Variants in USP28 observed in about 807,000 individuals in gnomAD.
USP28 encodes ubiquitin specific peptidase 28.
Under a neutral mutation model 145.0 loss-of-function variants are expected in USP28, and 113 were observed. That is an observed-to-expected ratio of 0.78 (90% CI 0.67 to 0.91). The LOEUF is 0.91. Ranked by LOEUF, USP28 falls within the 40% of genes least tolerant of loss-of-function variation. The pLI, the probability that USP28 is intolerant of heterozygous loss-of-function variation, is 0.00. For missense variants in USP28, 1,201 were observed against 1,289.6 expected (o/e 0.93, Z 1.05); for synonymous variants, 447 against 450.9 (o/e 0.99, Z 0.11).
At chr11:113,798,683 T>C (rs1195041447) in exon 25 of USP28, 1 of 152,650 alleles carries the variant, frequency 6.6e-6, no homozygotes, top group Admixed American at 6.5e-5. Context: ...TTTTGACTTT[T>C]CAACATCTCA....
chr11:113,869,883 T>C (rs1948648263), intron 1 of USP28, among the ~76,000 whole-genome samples: 1 of 151,930 alleles, frequency 6.6e-6, no homozygotes, highest in African/African-American at 2.4e-5. Context: ...AAATGTAGAT[T>C]TGGAGCCAGG....
chr11:113,832,087 A>G, intron 7 of USP28, 94 bp from the exon 8 acceptor site: 1 of 1,012,818 alleles, frequency 9.9e-7, no homozygotes, highest in Non-Finnish European at 1.5e-6. Flanking sequence ...AGATTATACT[A>G]CTATAAAAGC....
chr11:113,831,062 G>A, intron 8 of USP28, 119 bp from the exon 9 acceptor site: 1 of 921,862 alleles, frequency 1.1e-6, no homozygotes, highest in South Asian at 1.4e-5. Context: ...AAAGAGCCAG[G>A]TATGATCTAA....
In USP28 at chr11:113,803,287, A is replaced by T; in HGVS notation, c.2739-6T>A. On this transcript the variant is annotated splice_polypyrimidine_tract_variant and splice_region_variant and intron_variant, in intron 22 of 24. Coordinates refer to ENST00000003302, the Ensembl canonical transcript of USP28. Reference sequence around the variant, plus strand: ...AGGAAAGTGCCTCTTGGTACCTTAGAAAAATGGGAGATAAACAACAGCTGA... The same window carrying T: ...AGGAAAGTGCCTCTTGGTACCTTAGTAAAATGGGAGATAAACAACAGCTGA... The T allele has an allele frequency of 6.2e-7, 1 of 1,601,884 alleles. No homozygotes were observed. The highest frequency in any genetic ancestry group is 1.4e-5 in the African/African-American group (1 of 72,838).
intron 19 of USP28, 75 bp downstream of exon 20, chr11:113,806,414 C>T (rs1426379723): frequency 4.6e-6 from 6 of 1,305,490 alleles, no homozygotes; most frequent in Admixed American, 4.0e-5. Context: ...CCCATTTTTT[C>T]CCTTCTTATA....
intron 1 of USP28, among the ~76,000 whole-genome samples, chr11:113,874,123 A>G (rs187537586): frequency 5.2e-4 from 73 of 141,344 alleles, no homozygotes; most frequent in Non-Finnish European, 1.0e-3. Flanking sequence ...CCTGGGCGAC[A>G]AAGTGAGACT....
At chr11:113,852,696 GTATTAACTT>G in intron 2 of USP28, 63 bp from the exon 3 acceptor site, 1 of 1,576,802 alleles carries the variant, frequency 6.3e-7, no homozygotes, top group South Asian at 1.1e-5. Context: ...CCAGTTTTGA[GTATTAACTT>G]TATTACCCTG....
At chr11:113,803,817 C>G in exon 22 of USP28, 1 of 1,613,872 alleles carries the variant, frequency 6.2e-7, no homozygotes, top group Non-Finnish European at 8.5e-7. Flanking sequence ...TGATAGAGTT[C>G]TAGGCCTGTT....
intron 1 of USP28, among the ~76,000 whole-genome samples, chr11:113,863,736 G>C (rs1202559725): frequency 6.7e-6 from 1 of 149,862 alleles, no homozygotes; most frequent in Non-Finnish European, 1.5e-5. Flanking sequence ...ACAAGGTCAG[G>C]AGATCGAGAC....
intron 5 of USP28, among the ~76,000 whole-genome samples, chr11:113,837,258 T>C (rs1029997345): frequency 6.6e-6 from 1 of 152,238 alleles, no homozygotes; most frequent in Admixed American, 6.5e-5. Flanking sequence ...TGTCTTTGTT[T>C]TGTTCACTCC....
chr11:113,823,202 G>T lies in USP28; in HGVS notation c.1283+403C>A, dbSNP rs564083595. On this transcript the variant is annotated intron_variant, in intron 12 of 24. Coordinates refer to ENST00000003302, the Ensembl canonical transcript of USP28. Reference sequence around the variant, plus strand: ...TTTTAATCAGTTAGCACTGCTCTAGGTAGAAAAGCACTGTTTTTTATCTTT... The same window carrying T: ...TTTTAATCAGTTAGCACTGCTCTAGTTAGAAAAGCACTGTTTTTTATCTTT... Among the ~76,000 whole-genome samples the T allele has an allele frequency of 2.6e-5, 4 of 152,176 alleles. No individual in the cohort carries two copies. The South Asian group carries it at 8.3e-4, about 32-fold the overall frequency.
chr11:113,804,503 C>T (rs1166985057), intron 21 of USP28, among the ~76,000 whole-genome samples, 170 bp downstream of exon 22: 4 of 152,150 alleles, frequency 2.6e-5, no homozygotes, highest in African/African-American at 9.7e-5. Context: ...AAGAGACCTG[C>T]TATTCTGAGG....
chr11:113,808,986 T>C (rs1015725302), intron 17 of USP28, 77 bp downstream of exon 17: 2 of 1,412,220 alleles, frequency 1.4e-6, no homozygotes, highest in Admixed American at 4.1e-5. Flanking sequence ...CCTAGCCAGC[T>C]GAAGGGTATA....
intron 13 of USP28, 96 bp downstream of exon 13, chr11:113,817,562 T>C (rs1941920006): frequency 1.4e-6 from 2 of 1,406,540 alleles, no homozygotes; most frequent in Non-Finnish European, 1.9e-6. Context: ...TCCTGTGCTC[T>C]TATAGGTGAC....
intron 1 of USP28, among the ~76,000 whole-genome samples, chr11:113,860,969 T>C (rs942853325): frequency 1.3e-5 from 2 of 149,856 alleles, no homozygotes; most frequent in Admixed American, 6.6e-5. Flanking sequence ...ACACAAAAAA[T>C]TAGATGGGCG....
At chr11:113,826,860 G>C (rs1039701391) in intron 11 of USP28, among the ~76,000 whole-genome samples, 1 of 151,150 alleles carries the variant, frequency 6.6e-6, no homozygotes, top group Non-Finnish European at 1.5e-5. Context: ...CAGATGTTTC[G>C]GTGAGCCGAG....
intron 14 of USP28, 68 bp downstream of exon 14, chr11:113,815,106 G>A (rs916049796): frequency 7.1e-7 from 1 of 1,409,504 alleles, no homozygotes; most frequent in African/African-American, 1.4e-5. Context: ...GTACCGAGGT[G>A]CTTAACCTCC....
chr11:113,817,877 G>C lies in USP28; in HGVS notation c.1284-40C>G, dbSNP rs769856538. On this transcript the variant is annotated intron_variant, in intron 12 of 24. Coordinates refer to ENST00000003302, the Ensembl canonical transcript of USP28. ...CAGTGGTACTCTACTGCCCAAGGCT[G>C]TTTTGTATTTTAAGAGTCGCTGACA... 8 of 1,597,282 alleles carry C rather than the reference G, an allele frequency of 5.0e-6. No homozygotes were observed. The South Asian group carries it at 8.9e-5, about 18-fold the overall frequency.
intron 5 of USP28, among the ~76,000 whole-genome samples, chr11:113,836,477 G>T (rs6589398): frequency 7.9e-5 from 12 of 151,708 alleles, no homozygotes; most frequent in Admixed American, 5.9e-4. Flanking sequence ...TAAGTACCTC[G>T]CTAATATGGC....
Sources: gnomAD v4.1 joint callset for allele counts (sites outside exome capture counted in the v4.1 genomes callset) on GRCh38, gnomAD v4.1.1 for gene constraint, MANE v1.5 for transcripts, NCBI Gene and HGNC (gene_info 2026-07-23, HGNC 2026-07-21) for gene names.